Variants in CDYL observed in about 807,000 individuals in gnomAD.
CDYL encodes chromodomain Y-like protein.
CDYL carries 8 observed loss-of-function variants against 47.3 expected under a neutral mutation model. That is an observed-to-expected ratio of 0.17 (90% CI 0.10 to 0.31). The LOEUF is 0.31. Among genes scored for constraint, CDYL ranks in the 10% least tolerant of loss-of-function variants. The probability of loss-of-function intolerance (pLI) is 1.00; values close to 1 mark genes in which losing one functional copy is unlikely to be tolerated. For synonymous variants in CDYL, 266 were observed against 265.0 expected, an observed-to-expected ratio of 1.00 and a Z score of -0.04; for missense variants, 471 against 701.4, an observed-to-expected ratio of 0.67 and a Z score of 3.71.
At chr6:4,759,262 C>A (rs1369577401) in intron 3 of CDYL, among the ~76,000 whole-genome samples, 1 of 152,176 alleles carries the variant, frequency 6.6e-6, no homozygotes, top group Non-Finnish European at 1.5e-5. Context: ...AGCCACCGCG[C>A]CCGGCCAATC....
At chr6:4,805,785 G>C (rs1759351981) in intron 1 of CDYL, among the ~76,000 whole-genome samples, 1 of 152,222 alleles carries the variant, frequency 6.6e-6, no homozygotes. Flanking sequence ...AAGTGGATTG[G>C]ATGATGCCTA....
chr6:4,939,617 CTCCTAGGGGATT>C (rs1758303424), intron 4 of CDYL, among the ~76,000 whole-genome samples: 1 of 152,062 alleles, frequency 6.6e-6, no homozygotes, highest in African/African-American at 2.4e-5. Flanking sequence ...TGTTTCTAAT[CTCCTAGGGGATT>C]TCATCCCTGT....
intron 1 of CDYL, among the ~76,000 whole-genome samples, chr6:4,862,089 C>T (rs1761185500): frequency 6.6e-6 from 1 of 152,178 alleles, no homozygotes; most frequent in Non-Finnish European, 1.5e-5. Context: ...ATATCTTGCT[C>T]TTGCGGGTAC....
intron 3 of CDYL, among the ~76,000 whole-genome samples, chr6:4,747,483 G>A (rs1164691048): frequency 6.6e-6 from 1 of 152,082 alleles, no homozygotes; most frequent in East Asian, 1.9e-4. Context: ...TGGCCCTCAT[G>A]TCCCACTCCT....
chr6:4,901,715 C>G (rs1040829034), intron 2 of CDYL, among the ~76,000 whole-genome samples: 1 of 152,158 alleles, frequency 6.6e-6, no homozygotes, highest in African/African-American at 2.4e-5. Context: ...ATTAAGTACA[C>G]AGTATTACTC....
intron 1 of CDYL, among the ~76,000 whole-genome samples, chr6:4,854,736 G>A (rs1056025780): frequency 2.6e-5 from 4 of 152,212 alleles, no homozygotes; most frequent in Non-Finnish European, 4.4e-5. Flanking sequence ...AGGAAGGCTA[G>A]GTTCCAGGAG....
rs1216870603 is a variant in CDYL, at chr6:4,954,887, G to A, written c.*831G>A. On this transcript the variant is annotated 3_prime_UTR_variant, in exon 7 of 7. Coordinates refer to ENST00000397588, the MANE Select transcript of CDYL (RefSeq NM_004824.4). ...AAAAATAACTACATAAGTGCTTCTT[G>A]TTGCTGGGTGAGAAATACTACTTTA... 6.6e-6 allele frequency: 1 copy of A among 152,118 alleles called. No individual in the cohort carries two copies. Among genetic ancestry groups the A allele is most frequent in the African/African-American group, 2.4e-5 (1 of 41,416 alleles). 9.4% of individuals were successfully genotyped at this position (152,118 alleles called of 1,614,324 possible).
At chr6:4,909,989 C>T (rs1222302183) in intron 2 of CDYL, among the ~76,000 whole-genome samples, 1 of 152,062 alleles carries the variant, frequency 6.6e-6, no homozygotes, top group African/African-American at 2.4e-5. Flanking sequence ...AATTTCTTTC[C>T]TCCTGTTTTG....
At chr6:4,851,301 G>A (rs1760818964) in intron 1 of CDYL, among the ~76,000 whole-genome samples, 1 of 152,158 alleles carries the variant, frequency 6.6e-6, no homozygotes, top group African/African-American at 2.4e-5. Context: ...ACTTAACCTA[G>A]TGCCTGGCAT....
chr6:4,938,233 GT>G (rs11320865), intron 4 of CDYL, among the ~76,000 whole-genome samples: 37,337 of 144,792 alleles, frequency 0.26, 4,848 homozygotes, highest in Non-Finnish European at 0.28. Context: ...TTTTTTTGTT[GT>G]TTTTTTTTTT....
Position 4,874,091 on chromosome 6 carries a change from G to GT in CDYL, c.25-17620dup, listed in dbSNP as rs1461588471. Among the ~76,000 whole-genome samples, 3 of 152,252 alleles carry GT rather than the reference G, an allele frequency of 2.0e-5. No individual in the cohort carries two copies. In the East Asian group the frequency reaches 5.8e-4, roughly 29 times the overall value. ...TCTTCCCACTCACACACTCTCAACAGTTAAAGAAGGTGTTTCTTCACACCT... is the reference window on the plus strand; with the variant it reads ...TCTTCCCACTCACACACTCTCAACAGTTTAAAGAAGGTGTTTCTTCACACCT... On this transcript the variant is annotated intron_variant, in intron 1 of 6. Transcript: ENST00000397588.
chr6:4,769,743 A>T (rs1406001935), intron 3 of CDYL, among the ~76,000 whole-genome samples: 1 of 152,178 alleles, frequency 6.6e-6, no homozygotes, highest in African/African-American at 2.4e-5. Context: ...TGGGCTCAAC[A>T]GCTTCCTGCC....
chr6:4,882,768 A>G (rs1255697019), intron 1 of CDYL, among the ~76,000 whole-genome samples: 1 of 152,220 alleles, frequency 6.6e-6, no homozygotes, highest in Non-Finnish European at 1.5e-5. Context: ...TTACCCTGAC[A>G]TAGACAAACA....
intron 3 of CDYL, among the ~76,000 whole-genome samples, chr6:4,755,691 G>C (rs181427607): frequency 6.6e-6 from 1 of 152,220 alleles, no homozygotes; most frequent in African/African-American, 2.4e-5. Flanking sequence ...TACAACGGCT[G>C]CTTTAAAAAC....
intron 1 of CDYL, among the ~76,000 whole-genome samples, chr6:4,830,695 T>C (rs569788546): frequency 3.9e-5 from 6 of 152,018 alleles, no homozygotes; most frequent in African/African-American, 1.4e-4. Context: ...GCTGGTGCAC[T>C]GCACCCACTA....
rs369605428 is a variant in CDYL at position 4,785,142 on chromosome 6, G to A, written c.24+8335G>A. ...GTTCAGTACAGTAACATCTGTACAG[G>A]TCTGTAGCCTGGAAGCAATAGGCTC... On this transcript the variant is annotated intron_variant, in intron 1 of 6. Coordinates refer to ENST00000397588, the MANE Select transcript of CDYL (RefSeq NM_004824.4). 5.1e-4 allele frequency among the ~76,000 whole-genome samples: 77 copies of A among 152,322 alleles called. 2 individuals carry two copies. Among genetic ancestry groups the A allele is most frequent in the African/African-American group, 1.7e-3 (72 of 41,560 alleles).
At chr6:4,772,922 T>G (rs1488146649), upstream of CDYL, 2 of 354,262 alleles carry the variant, frequency 5.6e-6, no homozygotes, top group Non-Finnish European at 1.1e-5. Flanking sequence ...TCCCCTTGGA[T>G]GCCTTTGGAT....
At chr6:4,720,239 C>T (rs1757343429) in intron 2 of CDYL, among the ~76,000 whole-genome samples, 1 of 152,126 alleles carries the variant, frequency 6.6e-6, no homozygotes, top group East Asian at 1.9e-4. Context: ...AAAATTCTTA[C>T]AAATTTCACA....
intron 1 of CDYL, among the ~76,000 whole-genome samples, chr6:4,796,751 A>G (rs1342954839): frequency 6.6e-6 from 1 of 152,070 alleles, no homozygotes; most frequent in Non-Finnish European, 1.5e-5. Flanking sequence ...TTTTGTTTGG[A>G]ACTCTGTCTT....
Sources: gnomAD v4.1 joint callset for allele counts (sites outside exome capture counted in the v4.1 genomes callset) on GRCh38, gnomAD v4.1.1 for gene constraint, MANE v1.5 for transcripts, NCBI Gene and HGNC (gene_info 2026-07-23, HGNC 2026-07-21) for gene names.